PCNX1: variants seen among roughly 807,000 people sequenced by gnomAD.
The protein encoded by PCNX1 is pecanex 1.
A neutral mutation model predicts 242.2 loss-of-function variants in PCNX1; 78 were observed. That is an observed-to-expected ratio of 0.32 (90% CI 0.27 to 0.39). PCNX1 has a LOEUF of 0.39. Among genes scored for constraint, PCNX1 ranks in the 10% least tolerant of loss-of-function variants. PCNX1 has a pLI of 1.00. For synonymous variants in PCNX1, 1,024 were observed against 1,032.9 expected (o/e 0.99, Z 0.17); for missense variants, 2,581 against 2,856.5 (o/e 0.90, Z 2.20).
intron 2 of PCNX1, among the ~76,000 whole-genome samples, chr14:70,957,248 C>T (rs139158793): frequency 1.3e-5 from 2 of 152,080 alleles, no homozygotes; most frequent in Non-Finnish European, 1.5e-5. Context: ...CTTGGCCTCC[C>T]GCGTGCTAGG....
Position 70,977,923 on chromosome 14 carries a change from T to G in PCNX1, c.1586T>G (p.Val529Gly). 6.2e-7 allele frequency: 1 copy of G among 1,614,104 alleles called. No homozygotes were observed. Among genetic ancestry groups the G allele is most frequent in the Non-Finnish European group, 8.5e-7 (1 of 1,180,018 alleles). ...DKSAVSVDSK[V>G]RKDVGGKQKE... ...TCAGCTGTTTCTGTGGATTCCAAAG[T>G]GCGTAAAGATGTTGGTGGAAAGCAA... Residue 529 changes from valine to glycine, a missense_variant, in exon 6 of 36, where the codon GTG (valine) becomes GGG (glycine). Physicochemically the swap from Val to Gly is moderately radical, Grantham distance 109 (BLOSUM62 -3). This residue lies in a region of PCNX1 where 1,204 missense variants were observed against 1,216.7 expected (regional missense o/e 0.99). Coordinates refer to ENST00000304743, the MANE Select transcript of PCNX1 (RefSeq NM_014982.3).
Position 71,057,717 on chromosome 14 carries a change from A to G in PCNX1, c.4845A>G (p.Glu1615=). ...TCACTTTTCAGCTGCGGGGACTTGA[A>G]TTCAGAGGTAAGACATTCATTCACC... The part of the protein sequence containing the change: ...GLVTFQLRGL[E]FRGTYCQQRE... Residue 1615 remains glutamate, a synonymous_variant, in exon 26 of 36, where the codon GAA becomes GAG. Transcript: ENST00000304743. The G allele has an allele frequency of 6.2e-7, 1 of 1,608,170 alleles. No homozygotes were observed. The highest frequency in any genetic ancestry group is 1.3e-5 in the African/African-American group (1 of 74,946).
chr14:70,977,657 G>T lies in PCNX1; in HGVS notation c.1320G>T (p.Lys440Asn), dbSNP rs554148749. The stretch of plus-strand genomic sequence containing the variant: ...AGTGCTGTGCAGGCCCAGAGGAGAA[G>T]AATAGCTGTGCCAGTGACAAAAGGA... ...KKECCAGPEE[K>N]NSCASDKRTS... Residue 440 changes from lysine to asparagine, a missense_variant, in exon 6 of 36, where the codon AAG becomes AAT. Lys to Asn is a moderately conservative substitution (Grantham distance 94). This residue lies in a region of PCNX1 where 1,204 missense variants were observed against 1,216.7 expected (regional missense o/e 0.99). Coordinates refer to ENST00000304743, the MANE Select transcript of PCNX1 (RefSeq NM_014982.3). 1.2e-6 allele frequency: 2 copies of T among 1,614,128 alleles called. No individual in the cohort carries two copies. Among genetic ancestry groups the T allele is most frequent in the South Asian group, 2.2e-5 (2 of 91,086 alleles).
chr14:71,095,063 TAGA>T (rs947104369), intron 30 of PCNX1, among the ~76,000 whole-genome samples: 16 of 152,254 alleles, frequency 1.1e-4, no homozygotes, highest in African/African-American at 3.6e-4. Flanking sequence ...CCCAATTTTG[TAGA>T]AGATTAACCA....
intron 24 of PCNX1, chr14:71,053,381 C>T: frequency 2.4e-6 from 1 of 419,024 alleles, no homozygotes; most frequent in South Asian, 1.8e-5. Context: ...GCAATGGCGC[C>T]ATCTTGATTC....
At chr14:71,048,073 G>A in intron 22 of PCNX1, 89 bp downstream of exon 22, 1 of 886,288 alleles carries the variant, frequency 1.1e-6, no homozygotes, top group East Asian at 2.5e-5. Flanking sequence ...TATTTCATGT[G>A]ATTTATTATT....
At chr14:70,937,732 C>G (rs575410147) in intron 1 of PCNX1, among the ~76,000 whole-genome samples, 2 of 152,256 alleles carry the variant, frequency 1.3e-5, no homozygotes, top group Admixed American at 1.3e-4. Flanking sequence ...GGCAGTATGT[C>G]CATTTTCACA....
At chr14:71,039,464 C>T (rs1206980918) in intron 19 of PCNX1, among the ~76,000 whole-genome samples, 2 of 152,138 alleles carry the variant, frequency 1.3e-5, no homozygotes, top group Non-Finnish European at 2.9e-5. Context: ...AAAATGGCAG[C>T]TGGTTTCCCC....
At chr14:71,050,474 G>T (rs2060995829) in intron 22 of PCNX1, among the ~76,000 whole-genome samples, 178 bp from the exon 23 acceptor site, 1 of 152,080 alleles carries the variant, frequency 6.6e-6, no homozygotes, top group African/African-American at 2.4e-5. Context: ...TCAGAAATAA[G>T]TGCAGTGTTT....
chr14:70,997,047 A>C (rs1204510114), intron 8 of PCNX1, among the ~76,000 whole-genome samples: 2 of 152,204 alleles, frequency 1.3e-5, no homozygotes, highest in Non-Finnish European at 2.9e-5. Context: ...ATGAGAAAGC[A>C]ATAAAACATT....
chr14:70,910,642 C>A (rs1182881186), intron 1 of PCNX1, among the ~76,000 whole-genome samples: 1 of 152,162 alleles, frequency 6.6e-6, no homozygotes, highest in African/African-American at 2.4e-5. Flanking sequence ...TCACAAGACT[C>A]CATAGCCCAC....
intron 26 of PCNX1, among the ~76,000 whole-genome samples, chr14:71,067,733 G>C (rs181275519): frequency 1.6e-3 from 248 of 152,188 alleles, no homozygotes; most frequent in African/African-American, 5.7e-3. Context: ...GCTCTCTCTT[G>C]TGGGCACTTA....
chr14:70,918,952 C>G lies in PCNX1; in HGVS notation c.153+10949C>G, dbSNP rs996246163. Among the ~76,000 whole-genome samples the G allele has an allele frequency of 2.0e-5, 3 of 149,564 alleles. 1 individual carries two copies. Among genetic ancestry groups the G allele is most frequent in the Non-Finnish European group, 4.4e-5 (3 of 67,662 alleles). On this transcript the variant is annotated intron_variant, in intron 1 of 35. Coordinates refer to ENST00000304743, the MANE Select transcript of PCNX1 (RefSeq NM_014982.3). ...CTGGAGTACAGTGGTGTGATAATAA[C>G]TCCCTTCAGCTTCAAACTCATAGGC...
At chr14:71,011,988 C>A in intron 10 of PCNX1, 1 of 164,872 alleles carries the variant, frequency 6.1e-6, no homozygotes, top group Non-Finnish European at 1.3e-5. Flanking sequence ...GGTATGGGAA[C>A]CTTGAGATAG....
At chr14:70,955,481 T>C (rs1247598995) in intron 2 of PCNX1, among the ~76,000 whole-genome samples, 1 of 152,240 alleles carries the variant, frequency 6.6e-6, no homozygotes, top group East Asian at 1.9e-4. Flanking sequence ...AATATGATAC[T>C]AATAATCAAC....
chr14:71,077,067 C>A (rs1015298802), intron 28 of PCNX1, among the ~76,000 whole-genome samples: 2 of 152,176 alleles, frequency 1.3e-5, no homozygotes, highest in African/African-American at 4.8e-5. Flanking sequence ...CTGGGCCCCA[C>A]CTGCAAGACT....
chr14:71,036,687 T>TA (rs2060544818), intron 19 of PCNX1, among the ~76,000 whole-genome samples: 1 of 152,238 alleles, frequency 6.6e-6, no homozygotes, highest in Non-Finnish European at 1.5e-5. Context: ...ACATTTCTCA[T>TA]AACGTATCCT....
chr14:70,967,762 A>T (rs1315159955), intron 3 of PCNX1, among the ~76,000 whole-genome samples: 1 of 152,222 alleles, frequency 6.6e-6, no homozygotes, highest in African/African-American at 2.4e-5. Context: ...TGCACTTTGT[A>T]GTGTATGTTA....
chr14:71,035,585 C>T (rs560572203), intron 18 of PCNX1, among the ~76,000 whole-genome samples: 1 of 148,740 alleles, frequency 6.7e-6, no homozygotes, highest in Non-Finnish European at 1.5e-5. Context: ...CATGGTGAAA[C>T]CCTGTCTCTA....
Sources: allele counts gnomAD v4.1 joint callset (sites outside exome capture counted in the v4.1 genomes callset), GRCh38; gene constraint gnomAD v4.1.1; regional missense constraint gnomAD v4.1.1; transcripts MANE v1.5; gene names NCBI Gene and HGNC (gene_info 2026-07-23, HGNC 2026-07-21).